Variants in RORB observed in about 807,000 individuals in gnomAD.
The protein encoded by RORB is nuclear receptor ROR-beta.
Under a neutral mutation model 59.1 loss-of-function variants are expected in RORB, and 6 were observed. The observed-to-expected ratio is 0.10, with a 90% CI of 0.06 to 0.20. The LOEUF (loss-of-function observed/expected upper bound fraction) is 0.20. Among genes scored for constraint, RORB ranks in the 10% least tolerant of loss-of-function variants. The pLI is 1.00. For synonymous variants in RORB, 215 were observed against 204.5 expected, an observed-to-expected ratio of 1.05 and a Z score of -0.44; for missense variants, 320 against 560.5, an observed-to-expected ratio of 0.57 and a Z score of 4.33.
chr9:74,515,610 G>GA (rs909219449), intron 1 of RORB, among the ~76,000 whole-genome samples: 13 of 151,896 alleles, frequency 8.6e-5, no homozygotes, highest in Middle Eastern at 3.4e-3. Flanking sequence ...TCCCTCCCAT[G>GA]AAAAAATATG....
At chr9:74,626,967 T>G (rs1823528563) in intron 1 of RORB, among the ~76,000 whole-genome samples, 1 of 151,942 alleles carries the variant, frequency 6.6e-6, no homozygotes, top group Admixed American at 6.6e-5. Flanking sequence ...ATCGAGACCA[T>G]CCTGGCCAAC....
chr9:74,501,297 T>C (rs1360398348), intron 1 of RORB, among the ~76,000 whole-genome samples: 3 of 152,224 alleles, frequency 2.0e-5, no homozygotes, highest in Non-Finnish European at 4.4e-5. Context: ...AGTTAATTTT[T>C]GCCAAGTGCT....
Position 74,535,168 on chromosome 9 carries a change from G to T in RORB, c.7+37185G>T, listed in dbSNP as rs143109674. On this transcript the variant is annotated intron_variant, in intron 1 of 9. Coordinates refer to ENST00000376896, the MANE Select transcript of RORB (RefSeq NM_006914.4). ...ATAGGGGTGTGTGTGTGTTGTGTGTGTGTATGTGTGTGTCTGTGTGTACAA... is the reference window on the plus strand; with the variant it reads ...ATAGGGGTGTGTGTGTGTTGTGTGTTTGTATGTGTGTGTCTGTGTGTACAA... Among the ~76,000 whole-genome samples, 128 of 152,110 alleles carry T rather than the reference G, an allele frequency of 8.4e-4. 1 individual carries two copies. Among genetic ancestry groups the T allele is most frequent in the Non-Finnish European group, 5.3e-4 (36 of 67,972 alleles).
intron 1 of RORB, among the ~76,000 whole-genome samples, chr9:74,528,838 C>T (rs963427196): frequency 5.9e-5 from 9 of 151,918 alleles, no homozygotes; most frequent in South Asian, 4.1e-4. Flanking sequence ...TAGGCAATCC[C>T]GTGAAGTGGA....
chr9:74,525,789 C>T (rs768131533), intron 1 of RORB, among the ~76,000 whole-genome samples: 1 of 151,844 alleles, frequency 6.6e-6, no homozygotes, highest in Non-Finnish European at 1.5e-5. Context: ...ATTCAGGAAC[C>T]CTTTGCGTCC....
chr9:74,602,685 A>G (rs1471858559), intron 1 of RORB, among the ~76,000 whole-genome samples: 1 of 152,162 alleles, frequency 6.6e-6, no homozygotes, highest in Non-Finnish European at 1.5e-5. Context: ...CCCAAAAGAA[A>G]TCCCACACTT....
intron 4 of RORB, among the ~76,000 whole-genome samples, chr9:74,643,383 T>G (rs1470273924): frequency 1.3e-5 from 2 of 152,058 alleles, no homozygotes; most frequent in African/African-American, 4.8e-5. Context: ...AAGAGTGTAG[T>G]CTGGAATCTT....
chr9:74,560,256 A>G (rs1822375722), intron 1 of RORB, among the ~76,000 whole-genome samples: 1 of 152,156 alleles, frequency 6.6e-6, no homozygotes, highest in Admixed American at 6.6e-5. Context: ...GCAAGTCACG[A>G]CTTGAAATGC....
intron 1 of RORB, among the ~76,000 whole-genome samples, chr9:74,515,276 T>C (rs1825992458): frequency 6.6e-6 from 1 of 151,776 alleles, no homozygotes; most frequent in Non-Finnish European, 1.5e-5. Flanking sequence ...GTCCATTTGA[T>C]AGAAGAAGAG....
At position 74,594,955 on chromosome 9, in the gene RORB, C is replaced by T. The variant is rs182352842; in HGVS notation, c.8-35327C>T. 2.7e-3 allele frequency among the ~76,000 whole-genome samples: 412 copies of T among 152,258 alleles called. 1 individual carries two copies. The highest frequency in any genetic ancestry group is 9.4e-3 in the African/African-American group (391 of 41,560). ...CCTGTCTGTGCCATTGATTATTCTA[C>T]ACATCCAGTCCCTGAGGGTGTCCCT... On this transcript the variant is annotated intron_variant, in intron 1 of 9. Transcript: ENST00000376896.
intron 1 of RORB, among the ~76,000 whole-genome samples, chr9:74,531,832 A>G (rs895039187): frequency 1.3e-5 from 2 of 151,950 alleles, no homozygotes; most frequent in African/African-American, 4.8e-5. Flanking sequence ...TTTTTTTATA[A>G]AGACTGCTGT....
At chr9:74,651,436 G>A (rs570998741) in intron 4 of RORB, among the ~76,000 whole-genome samples, 1 of 152,138 alleles carries the variant, frequency 6.6e-6, no homozygotes, top group South Asian at 2.1e-4. Context: ...TTGGGAGGCT[G>A]AGGCACGAGA....
intron 3 of RORB, among the ~76,000 whole-genome samples, chr9:74,638,556 G>A (rs1297377292): frequency 2.0e-5 from 3 of 150,318 alleles, no homozygotes; most frequent in South Asian, 2.1e-4. Context: ...ACTCAAGTTT[G>A]AGAGGGGCAG....
chr9:74,497,687 A>C lies in RORB; in HGVS notation c.-290A>C. The C allele has an allele frequency of 2.0e-6, 1 of 490,986 alleles. No individual in the cohort carries two copies. Among genetic ancestry groups the C allele is most frequent in the Non-Finnish European group, 3.6e-6 (1 of 276,042 alleles). 30.4% of individuals were successfully genotyped at this position (490,986 alleles called of 1,614,324 possible). A position where few individuals can be genotyped will look rare whatever the true frequency, so the allele number is the denominator to read the frequency against. The stretch of plus-strand genomic sequence containing the variant: ...AAAAGAAAAACAAAACCAAAACAAA[A>C]CCCAGGCACCAGACAGCCAGAACAT... On this transcript the variant is annotated 5_prime_UTR_variant, in exon 1 of 10. Coordinates refer to ENST00000376896, the MANE Select transcript of RORB (RefSeq NM_006914.4).
chr9:74,684,739 C>T (rs1004775327), intron 9 of RORB, among the ~76,000 whole-genome samples: 27 of 152,088 alleles, frequency 1.8e-4, no homozygotes, highest in African/African-American at 6.3e-4. Context: ...CAGTGACCTC[C>T]CAAATTCTCT....
At chr9:74,681,339 C>G (rs1824544473) in intron 9 of RORB, among the ~76,000 whole-genome samples, 1 of 152,224 alleles carries the variant, frequency 6.6e-6, no homozygotes, top group South Asian at 2.1e-4. Flanking sequence ...TGGGCTCTGA[C>G]AAGTGCTGCT....
intron 1 of RORB, among the ~76,000 whole-genome samples, chr9:74,505,560 C>G (rs1337892225): frequency 2.6e-5 from 4 of 151,956 alleles, no homozygotes; most frequent in African/African-American, 9.7e-5. Flanking sequence ...GTAGTCGAAG[C>G]TAGGATCAAA....
intron 4 of RORB, among the ~76,000 whole-genome samples, chr9:74,646,984 T>C (rs1202395639): frequency 6.6e-6 from 1 of 152,086 alleles, no homozygotes; most frequent in African/African-American, 2.4e-5. Flanking sequence ...AGAAATAAAA[T>C]GTGGGTAAGC....
intron 4 of RORB, among the ~76,000 whole-genome samples, chr9:74,655,609 C>T (rs1466006052): frequency 6.6e-6 from 1 of 152,178 alleles, no homozygotes; most frequent in Non-Finnish European, 1.5e-5. Flanking sequence ...TCTACTTTTC[C>T]AAGCAAGGAC....
Sources: allele counts gnomAD v4.1 joint callset (sites outside exome capture counted in the v4.1 genomes callset), GRCh38; gene constraint gnomAD v4.1.1; transcripts MANE v1.5; gene names NCBI Gene and HGNC (gene_info 2026-07-23, HGNC 2026-07-21).